The following ARHGAP28 variants were observed in gnomAD, a reference collection of about 807,000 sequenced individuals.
ARHGAP28 encodes rho GTPase-activating protein 28.
Under a neutral mutation model 90.7 loss-of-function variants are expected in ARHGAP28, and 56 were observed. The observed-to-expected ratio is 0.62, with a 90% CI of 0.50 to 0.77. The LOEUF is 0.77. ARHGAP28 is among the 30% of genes least tolerant of loss of function. The pLI is 0.00. For synonymous variants in ARHGAP28, 308 were observed against 323.3 expected, an observed-to-expected ratio of 0.95 and a Z score of 0.51; for missense variants, 869 against 900.9, an observed-to-expected ratio of 0.96 and a Z score of 0.45.
intron 5 of ARHGAP28, among the ~76,000 whole-genome samples, chr18:6,867,540 T>G (rs2057046731): frequency 1.3e-5 from 2 of 152,168 alleles, no homozygotes; most frequent in Admixed American, 6.5e-5. Context: ...GGATAGGTAC[T>G]CAACTTCTGA....
At chr18:6,877,293 C>T (rs924063821) in intron 10 of ARHGAP28, among the ~76,000 whole-genome samples, 3 of 152,172 alleles carry the variant, frequency 2.0e-5, no homozygotes, top group Non-Finnish European at 2.9e-5. Context: ...AGGAGAGTCA[C>T]GGCGGTTCTG....
At position 6,873,553 on chromosome 18, in the gene ARHGAP28, A is replaced by G; in HGVS notation, c.1099A>G (p.Thr367Ala). The part of the protein sequence containing the change: ...AFGIQLKRNK[T>A]EKVKGRDNGI... Reference sequence around the variant, plus strand: ...TGGAATTCAACTGAAAAGGAACAAAACAGAGAAAGTAAAAGGACGAGGTAA... The same window carrying G: ...TGGAATTCAACTGAAAAGGAACAAAGCAGAGAAAGTAAAAGGACGAGGTAA... The change falls in exon 8 of 18, where the codon ACA (threonine) becomes GCA (alanine). Residue 367 changes from threonine (T) to alanine (A), a missense_variant. Thr to Ala is a moderately conservative substitution (Grantham distance 58, BLOSUM62 0). Transcript: ENST00000383472. 6.2e-7 allele frequency: 1 copy of G among 1,613,650 alleles called. No individual in the cohort carries two copies. Among genetic ancestry groups the G allele is most frequent in the African/African-American group, 1.3e-5 (1 of 75,018 alleles).
chr18:6,820,835 G>C (rs1393368187), intron 1 of ARHGAP28, among the ~76,000 whole-genome samples: 1 of 152,150 alleles, frequency 6.6e-6, no homozygotes, highest in African/African-American at 2.4e-5. Flanking sequence ...CAGAAATAAA[G>C]CTGAGGGAAT....
chr18:6,789,428 A>C (rs555399629), intron 1 of ARHGAP28: 1 of 152,334 alleles, frequency 6.6e-6, no homozygotes, highest in East Asian at 1.9e-4. Context: ...TAAAATAATT[A>C]GCCAGGCATG....
At chr18:6,874,604 G>T (rs1486039361) in intron 9 of ARHGAP28, 1 of 152,096 alleles carries the variant, frequency 6.6e-6, no homozygotes, top group Non-Finnish European at 1.5e-5. Flanking sequence ...TATTGTCTAA[G>T]GAAACATATA....
At chr18:6,752,779 G>A (rs2143269128) in intron 1 of ARHGAP28, among the ~76,000 whole-genome samples, 1 of 152,204 alleles carries the variant, frequency 6.6e-6, no homozygotes, top group African/African-American at 2.4e-5. Context: ...GAGGCCTTTT[G>A]TTCCGCTCAG....
In ARHGAP28 at chr18:6,817,026, G is replaced by A. The variant is rs553847204; in HGVS notation, c.123-7736G>A. On this transcript the variant is annotated intron_variant, in intron 1 of 17. Transcript: ENST00000383472. The stretch of plus-strand genomic sequence containing the variant: ...GATCTCTTGAGTCTGGGAGATTGAG[G>A]CTGCAAGTAGCTATGATTGCACCAC... Among the ~76,000 whole-genome samples the A allele has an allele frequency of 2.0e-5, 3 of 151,906 alleles. No individual in the cohort carries two copies. The East Asian group carries it at 5.8e-4, about 29-fold the overall frequency.
At chr18:6,821,592 T>C (rs1163083375) in intron 1 of ARHGAP28, among the ~76,000 whole-genome samples, 1 of 152,150 alleles carries the variant, frequency 6.6e-6, no homozygotes, top group Non-Finnish European at 1.5e-5. Flanking sequence ...GGAAAAACAT[T>C]TGTATCTCTA....
At chr18:6,872,337 T>G (rs1567977534) in intron 7 of ARHGAP28, among the ~76,000 whole-genome samples, 1 of 152,214 alleles carries the variant, frequency 6.6e-6, no homozygotes, top group Non-Finnish European at 1.5e-5. Context: ...GAAGGTAAAC[T>G]AGCTAAGCAT....
chr18:6,756,000 A>G (rs1361345831), intron 1 of ARHGAP28, among the ~76,000 whole-genome samples: 9 of 152,166 alleles, frequency 5.9e-5, no homozygotes, highest in African/African-American at 2.2e-4. Context: ...AAACAAATCT[A>G]TGGGGAAGGG....
intron 16 of ARHGAP28, among the ~76,000 whole-genome samples, chr18:6,902,603 A>G (rs907848948): frequency 1.3e-5 from 2 of 152,218 alleles, no homozygotes; most frequent in African/African-American, 4.8e-5. Context: ...CAAAGAACTG[A>G]TAATAAATAG....
Position 6,824,810 on chromosome 18 carries a change from A to G in ARHGAP28, c.171A>G (p.Glu57=). 6.5e-7 allele frequency: 1 copy of G among 1,536,178 alleles called. No homozygotes were observed. Among genetic ancestry groups the G allele is most frequent in the Non-Finnish European group, 8.7e-7 (1 of 1,146,846 alleles). ...GAATTAACAGGATGCTCTCCAATGA[A>G]TCCCTCCATCCTCCTGCCTTCAGCC... ...CRRINRMLSN[E]SLHPPAFSRS... is the part of the protein sequence containing the mutation. Residue 57 remains glutamate, a synonymous_variant, in exon 2 of 18, where the codon GAA becomes GAG. Transcript: ENST00000383472.
intron 16 of ARHGAP28, among the ~76,000 whole-genome samples, chr18:6,901,540 TAAA>T (rs57305269): frequency 1.5e-3 from 199 of 132,508 alleles, no homozygotes; most frequent in African/African-American, 3.9e-3. Flanking sequence ...CTTGATATGA[TAAA>T]AAAAAAAAAA....
At chr18:6,783,007 C>A (rs1159726671) in intron 1 of ARHGAP28, among the ~76,000 whole-genome samples, 4 of 152,086 alleles carry the variant, frequency 2.6e-5, no homozygotes, top group East Asian at 1.9e-4. Context: ...AAAGTGAAAG[C>A]TGGTCTTCCC....
intron 1 of ARHGAP28, among the ~76,000 whole-genome samples, chr18:6,793,572 G>T (rs1471049656): frequency 6.6e-6 from 1 of 152,036 alleles, no homozygotes; most frequent in Non-Finnish European, 1.5e-5. Flanking sequence ...GAAACTATTT[G>T]AATGTCTTTC....
intron 1 of ARHGAP28, chr18:6,773,886 C>T (rs2056263071): frequency 6.6e-6 from 1 of 152,184 alleles, no homozygotes; most frequent in Admixed American, 6.5e-5. Flanking sequence ...GCTGATTACA[C>T]TTTGCAGTCT....
intron 7 of ARHGAP28, 55 bp from the exon 8 acceptor site, chr18:6,873,354 C>T (rs1567977829): frequency 8.1e-6 from 12 of 1,488,388 alleles, no homozygotes; most frequent in Middle Eastern, 1.8e-4. Context: ...TTTGAGTGAA[C>T]GCATAATAAT....
intron 5 of ARHGAP28, among the ~76,000 whole-genome samples, chr18:6,866,139 C>T (rs2057036819): frequency 6.6e-6 from 1 of 152,170 alleles, no homozygotes; most frequent in Non-Finnish European, 1.5e-5. Context: ...TTGGCTGCCA[C>T]TGTTCCTTCA....
chr18:6,911,366 A>T lies in ARHGAP28; in HGVS notation c.2096-694A>T, dbSNP rs2057398214. Among the ~76,000 whole-genome samples, 5 of 147,744 alleles carry T rather than the reference A, an allele frequency of 3.4e-5. No individual in the cohort carries two copies. In the South Asian group the frequency reaches 1.1e-3, roughly 32 times the overall value. ...TACCTATCTATAAAACCACTGGAGG[A>T]CATGTATTAGCATATAAATGATGAG... On this transcript the variant is annotated intron_variant, in intron 17 of 17. Coordinates refer to ENST00000383472, the MANE Select transcript of ARHGAP28 (RefSeq NM_001366230.1).
Sources: gnomAD v4.1 joint callset for allele counts (sites outside exome capture counted in the v4.1 genomes callset) on GRCh38, gnomAD v4.1.1 for gene constraint, MANE v1.5 for transcripts, NCBI Gene and HGNC (gene_info 2026-07-23, HGNC 2026-07-21) for gene names.